Variants in COMMD10 observed in about 807,000 individuals in gnomAD.
COMMD10 encodes COMM domain-containing protein 10.
A neutral mutation model predicts 28.9 loss-of-function variants in COMMD10; 33 were observed. That is an observed-to-expected ratio of 1.14 (90% CI 0.87 to 1.53). COMMD10 has a LOEUF of 1.53. Ranked by LOEUF, COMMD10 falls within the 40% of genes most tolerant of loss-of-function variation. The pLI is 0.00. For missense variants in COMMD10, 310 were observed against 233.4 expected, an observed-to-expected ratio of 1.33 and a Z score of -2.14; for synonymous variants, 110 against 81.7, an observed-to-expected ratio of 1.35 and a Z score of -1.87.
chr5:116,252,048 A>G lies in COMMD10; in HGVS notation c.511-39469A>G, dbSNP rs1750133554. Among the ~76,000 whole-genome samples, 4 of 149,890 alleles carry G rather than the reference A, an allele frequency of 2.7e-5. No homozygotes were observed. The South Asian group carries it at 6.3e-4, about 24-fold the overall frequency. On this transcript the variant is annotated intron_variant, in intron 5 of 6. Transcript: ENST00000274458. ...TTTGATTTGCATTTGTCTGATGGCC[A>G]GTGATGGTGAGCATTTTTTCATGTG...
intron 5 of COMMD10, among the ~76,000 whole-genome samples, chr5:116,284,221 A>G (rs1469091239): frequency 2.0e-5 from 3 of 151,930 alleles, no homozygotes; most frequent in Non-Finnish European, 2.9e-5. Context: ...ATATGAAAAT[A>G]TCCTTGTATC....
intron 5 of COMMD10, among the ~76,000 whole-genome samples, chr5:116,239,359 A>G (rs1167823242): frequency 2.6e-5 from 4 of 152,182 alleles, no homozygotes; most frequent in African/African-American, 9.6e-5. Flanking sequence ...TGTGAGAGTT[A>G]TTAGAATTGC....
intron 5 of COMMD10, among the ~76,000 whole-genome samples, chr5:116,191,663 G>C (rs1227704836): frequency 6.6e-6 from 1 of 151,630 alleles, no homozygotes; most frequent in Non-Finnish European, 1.5e-5. Flanking sequence ...TCTGAGCTCA[G>C]ACATACCTAG....
intron 4 of COMMD10, among the ~76,000 whole-genome samples, chr5:116,129,234 C>T (rs534635839): frequency 6.6e-6 from 1 of 150,906 alleles, no homozygotes; most frequent in Non-Finnish European, 1.5e-5. Flanking sequence ...TCCTGATTCA[C>T]CAATTGTTTA....
chr5:116,167,488 C>T (rs1753164815), intron 5 of COMMD10, among the ~76,000 whole-genome samples: 1 of 152,112 alleles, frequency 6.6e-6, no homozygotes, highest in African/African-American at 2.4e-5. Flanking sequence ...TCAGGAAATA[C>T]AGAGAACACC....
chr5:116,217,827 A>G lies in COMMD10; in HGVS notation c.511-73690A>G, dbSNP rs138493953. 3.8e-4 allele frequency among the ~76,000 whole-genome samples: 58 copies of G among 152,216 alleles called. No homozygotes were observed. In the East Asian group the frequency reaches 8.9e-3, roughly 23 times the overall value. On this transcript the variant is annotated intron_variant, in intron 5 of 6. Transcript: ENST00000274458. ...AGGGAAAAGTGTTTTCCCCACATCA[A>G]TCCAGCTTCGAAGACACCCTATTAG... is the stretch of plus-strand genomic sequence containing the variant.
intron 4 of COMMD10, among the ~76,000 whole-genome samples, chr5:116,125,724 T>C (rs957058111): frequency 2.0e-5 from 3 of 152,286 alleles, no homozygotes; most frequent in Non-Finnish European, 4.4e-5. Context: ...CATAGTCCCA[T>C]ATTTTTTGAA....
At chr5:116,270,192 G>T (rs1427468025) in intron 5 of COMMD10, among the ~76,000 whole-genome samples, 1 of 151,852 alleles carries the variant, frequency 6.6e-6, no homozygotes, top group African/African-American at 2.4e-5. Context: ...ATGAATGGCA[G>T]ACTTTAACTG....
At chr5:116,126,394 T>C (rs7715797) in intron 4 of COMMD10, among the ~76,000 whole-genome samples, 76,604 of 146,362 alleles carry the variant, frequency 0.52, 21,898 homozygotes, top group Non-Finnish European at 0.65. Flanking sequence ...AAACTACCAA[T>C]GACTTTCTTC....
chr5:116,246,988 A>G (rs1749969207), intron 5 of COMMD10, among the ~76,000 whole-genome samples: 1 of 152,102 alleles, frequency 6.6e-6, no homozygotes, highest in African/African-American at 2.4e-5. Context: ...CGATCTGATT[A>G]AAGAGCTTCA....
chr5:116,281,606 A>G (rs1033953656), intron 5 of COMMD10, among the ~76,000 whole-genome samples: 8 of 151,676 alleles, frequency 5.3e-5, no homozygotes, highest in African/African-American at 1.9e-4. Context: ...TCTTATATGT[A>G]CAAGCAGAAG....
At chr5:116,216,667 G>A (rs1304027972) in intron 5 of COMMD10, among the ~76,000 whole-genome samples, 2 of 152,108 alleles carry the variant, frequency 1.3e-5, no homozygotes, top group East Asian at 3.8e-4. Context: ...CCGAGTAGCT[G>A]GGACTACAGG....
chr5:116,268,980 G>GT (rs1750681868), intron 5 of COMMD10, among the ~76,000 whole-genome samples: 1 of 151,658 alleles, frequency 6.6e-6, no homozygotes, highest in Non-Finnish European at 1.5e-5. Flanking sequence ...ATAGCATTAG[G>GT]AGATATACCT....
At chr5:116,216,749 T>C (rs1749113175) in intron 5 of COMMD10, among the ~76,000 whole-genome samples, 1 of 152,142 alleles carries the variant, frequency 6.6e-6, no homozygotes, top group Non-Finnish European at 1.5e-5. Context: ...TTGGCCAGGA[T>C]GGTCTCGATC....
intron 5 of COMMD10, among the ~76,000 whole-genome samples, chr5:116,140,231 ATGTGTGTG>A (rs3072964): frequency 2.0e-5 from 3 of 146,990 alleles, no homozygotes; most frequent in Non-Finnish European, 3.0e-5. Flanking sequence ...TCATACTACT[ATGTGTGTG>A]TGTGTGTGTG....
chr5:116,269,837 T>A (rs569917912), intron 5 of COMMD10, among the ~76,000 whole-genome samples: 8 of 151,930 alleles, frequency 5.3e-5, no homozygotes, highest in Admixed American at 3.3e-4. Flanking sequence ...TTCTCTACCT[T>A]TTGTTAGAGG....
At chr5:116,128,228 A>G (rs1020930990) in intron 4 of COMMD10, among the ~76,000 whole-genome samples, 1 of 152,088 alleles carries the variant, frequency 6.6e-6, no homozygotes, top group Admixed American at 6.6e-5. Flanking sequence ...TTAAGATTAT[A>G]TTGAAGTTAT....
At chr5:116,145,909 C>T (rs1752335733) in intron 5 of COMMD10, among the ~76,000 whole-genome samples, 1 of 152,062 alleles carries the variant, frequency 6.6e-6, no homozygotes, top group African/African-American at 2.4e-5. Context: ...CTGAACTAAA[C>T]TGTGAGTCAA....
chr5:116,147,991 C>T (rs1337793311), intron 5 of COMMD10, among the ~76,000 whole-genome samples: 1 of 151,772 alleles, frequency 6.6e-6, no homozygotes, highest in Non-Finnish European at 1.5e-5. Flanking sequence ...TTTTAAATGA[C>T]TACATAGGAT....
Sources: gnomAD v4.1 joint callset for allele counts (sites outside exome capture counted in the v4.1 genomes callset) on GRCh38, gnomAD v4.1.1 for gene constraint, MANE v1.5 for transcripts, NCBI Gene and HGNC (gene_info 2026-07-23, HGNC 2026-07-21) for gene names.